RAD51B: variants seen among roughly 807,000 people sequenced by gnomAD.
RAD51B encodes DNA repair protein RAD51 homolog 2.
Under a neutral mutation model 42.2 loss-of-function variants are expected in RAD51B, and 38 were observed. The ratio of observed to expected loss-of-function variants is 0.90; its 90% CI spans 0.70 to 1.18. The LOEUF is 1.18. Ranked by LOEUF, RAD51B falls within the 50% of genes most tolerant of loss-of-function variation. The pLI, the probability that RAD51B is intolerant of heterozygous loss-of-function variation, is 0.00. For missense variants in RAD51B, 373 were observed against 400.7 expected (o/e 0.93, Z 0.59); for synonymous variants, 154 against 145.2 (o/e 1.06, Z -0.43).
intron 10 of RAD51B, among the ~76,000 whole-genome samples, chr14:68,582,457 A>G (rs1405387029): frequency 6.6e-6 from 1 of 152,246 alleles, no homozygotes; most frequent in Non-Finnish European, 1.5e-5. Flanking sequence ...ACAATGAGAT[A>G]CCATCTCATG....
chr14:68,345,022 C>G (rs553949955), intron 8 of RAD51B, among the ~76,000 whole-genome samples: 1 of 152,054 alleles, frequency 6.6e-6, no homozygotes, highest in Admixed American at 6.5e-5. Flanking sequence ...ACTGTAGCCC[C>G]TTTCTTTTGG....
chr14:68,092,712 C>G (rs1462931039), intron 7 of RAD51B, among the ~76,000 whole-genome samples: 1 of 152,056 alleles, frequency 6.6e-6, no homozygotes, highest in Non-Finnish European at 1.5e-5. Context: ...GCCTGATTGC[C>G]CTGACCAGAA....
At chr14:68,340,763 C>T (rs1249862320) in intron 8 of RAD51B, among the ~76,000 whole-genome samples, 2 of 152,216 alleles carry the variant, frequency 1.3e-5, no homozygotes, top group African/African-American at 4.8e-5. Flanking sequence ...TCCCTAGGCT[C>T]CTATACCATC....
intron 7 of RAD51B, among the ~76,000 whole-genome samples, chr14:67,968,446 G>T (rs1031052143): frequency 7.2e-5 from 11 of 152,116 alleles, no homozygotes; most frequent in Non-Finnish European, 1.2e-4. Flanking sequence ...TTTTAAAAAT[G>T]GAATGCTTTT....
chr14:67,927,608 C>A (rs968032190), intron 7 of RAD51B, among the ~76,000 whole-genome samples: 14 of 151,974 alleles, frequency 9.2e-5, no homozygotes, highest in African/African-American at 3.1e-4. Context: ...CTGTGCTGGG[C>A]TTATTTTGCG....
chr14:68,592,530 GA>G (rs1361808018), intron 10 of RAD51B, among the ~76,000 whole-genome samples: 2 of 152,108 alleles, frequency 1.3e-5, no homozygotes, highest in Non-Finnish European at 1.5e-5. Context: ...AGCGAGCATG[GA>G]AAAAAAGTTG....
At chr14:68,062,962 C>A (rs2140445041) in intron 7 of RAD51B, among the ~76,000 whole-genome samples, 1 of 152,054 alleles carries the variant, frequency 6.6e-6, no homozygotes, top group East Asian at 1.9e-4. Context: ...CTTTCTGGTT[C>A]AATCTTGGTA....
At chr14:68,188,213 C>A (rs1409323226) in intron 7 of RAD51B, among the ~76,000 whole-genome samples, 3 of 151,782 alleles carry the variant, frequency 2.0e-5, no homozygotes, top group East Asian at 3.8e-4. Context: ...ACATGTCTTA[C>A]AAAGTTAAAA....
intron 7 of RAD51B, among the ~76,000 whole-genome samples, chr14:68,156,021 C>A (rs2078496701): frequency 6.6e-6 from 1 of 152,138 alleles, no homozygotes; most frequent in South Asian, 2.1e-4. Flanking sequence ...CTTTTTGTTT[C>A]TTCTGTCTTG....
At chr14:68,382,645 C>T (rs1045998469) in intron 8 of RAD51B, among the ~76,000 whole-genome samples, 5 of 152,210 alleles carry the variant, frequency 3.3e-5, no homozygotes, top group African/African-American at 9.6e-5. Context: ...AGTTGATTTG[C>T]TCACCAATGC....
intron 7 of RAD51B, among the ~76,000 whole-genome samples, chr14:67,998,016 C>T (rs973205464): frequency 2.0e-5 from 3 of 152,188 alleles, no homozygotes; most frequent in Admixed American, 2.0e-4. Context: ...ACCCTTTTGA[C>T]ACTTGTTAGA....
intron 7 of RAD51B, among the ~76,000 whole-genome samples, chr14:68,238,594 T>A (rs759572075): frequency 1.3e-5 from 2 of 152,212 alleles, no homozygotes; most frequent in Non-Finnish European, 2.9e-5. Flanking sequence ...CATGAGCCAC[T>A]GTGCCCAACC....
At chr14:68,587,094 G>A (rs1184676314) in intron 10 of RAD51B, among the ~76,000 whole-genome samples, 1 of 152,072 alleles carries the variant, frequency 6.6e-6, no homozygotes, top group Non-Finnish European at 1.5e-5. Context: ...CCTGCTCTCT[G>A]CTATATGTCA....
chr14:68,477,455 T>C (rs777877528), intron 10 of RAD51B, among the ~76,000 whole-genome samples, 193 bp from the exon 11 acceptor site: 13 of 152,188 alleles, frequency 8.5e-5, no homozygotes, highest in Non-Finnish European at 1.5e-4. Flanking sequence ...AAGCCAGGGC[T>C]GCGGGACCCT....
chr14:68,673,927 G>A (rs1160598342), intron 11 of RAD51B, among the ~76,000 whole-genome samples: 8 of 148,622 alleles, frequency 5.4e-5, no homozygotes, highest in East Asian at 2.0e-4. Context: ...ATATGTATAT[G>A]TGCACACACA....
intron 10 of RAD51B, among the ~76,000 whole-genome samples, chr14:68,649,703 G>A (rs199782157): frequency 6.6e-6 from 1 of 152,116 alleles, no homozygotes; most frequent in South Asian, 2.1e-4. Context: ...GTGTGAAGAG[G>A]GGAGGTGAGT....
intron 9 of RAD51B, among the ~76,000 whole-genome samples, chr14:68,432,460 G>A (rs949243463): frequency 5.9e-5 from 9 of 152,176 alleles, no homozygotes; most frequent in Admixed American, 5.2e-4. Context: ...ATATATTTAG[G>A]ATAGTTAGCT....
At chr14:68,156,699 A>G (rs1369978160) in intron 7 of RAD51B, among the ~76,000 whole-genome samples, 5 of 152,154 alleles carry the variant, frequency 3.3e-5, no homozygotes, top group African/African-American at 1.2e-4. Flanking sequence ...TTGAACTATA[A>G]TGAATTATGA....
intron 7 of RAD51B, among the ~76,000 whole-genome samples, chr14:68,148,121 A>G (rs1034293551): frequency 2.0e-5 from 3 of 152,098 alleles, no homozygotes; most frequent in Non-Finnish European, 4.4e-5. Flanking sequence ...ACTCCAATTT[A>G]TTTTGAGATT....
Sources: gnomAD v4.1 joint callset for allele counts (sites outside exome capture counted in the v4.1 genomes callset) on GRCh38, gnomAD v4.1.1 for gene constraint, MANE v1.5 for transcripts, NCBI Gene and HGNC (gene_info 2026-07-23, HGNC 2026-07-21) for gene names.